CACHD1: variants seen among roughly 807,000 people sequenced by gnomAD.
CACHD1 encodes the protein cache domain containing 1.
Under a neutral mutation model 138.7 loss-of-function variants are expected in CACHD1, and 71 were observed. The ratio of observed to expected loss-of-function variants is 0.51; its 90% CI spans 0.42 to 0.62. CACHD1 has a LOEUF of 0.62. CACHD1 is among the 20% of genes least tolerant of loss of function. The pLI is 0.00. For missense variants in CACHD1, 1,389 were observed against 1,625.3 expected (o/e 0.85, Z 2.50); for synonymous variants, 578 against 591.5 (o/e 0.98, Z 0.33).
chr1:64,652,673 C>T (rs1044752889), intron 10 of CACHD1, among the ~76,000 whole-genome samples: 6 of 152,150 alleles, frequency 3.9e-5, no homozygotes, highest in Non-Finnish European at 8.8e-5. Context: ...TAGAGAAATG[C>T]AAATCCAAAC....
intron 1 of CACHD1, among the ~76,000 whole-genome samples, chr1:64,540,540 G>A (rs1241345478): frequency 1.3e-5 from 2 of 152,132 alleles, no homozygotes; most frequent in Non-Finnish European, 2.9e-5. Flanking sequence ...CACTTTGAAA[G>A]CCAAAACAAC....
At chr1:64,471,042 C>T (rs1646140982) in intron 1 of CACHD1, 100 bp downstream of exon 1, 1 of 1,217,254 alleles carries the variant, frequency 8.2e-7, no homozygotes, top group Non-Finnish European at 1.1e-6. Flanking sequence ...TGCATCGGCT[C>T]CTTGCATACA....
intron 1 of CACHD1, among the ~76,000 whole-genome samples, chr1:64,491,900 T>C (rs1646278395): frequency 6.6e-6 from 1 of 152,078 alleles, no homozygotes; most frequent in African/African-American, 2.4e-5. Flanking sequence ...GGATTACAAG[T>C]GTGAGCCACT....
chr1:64,558,844 A>T (rs1646817815), intron 2 of CACHD1, among the ~76,000 whole-genome samples: 1 of 152,240 alleles, frequency 6.6e-6, no homozygotes, highest in South Asian at 2.1e-4. Context: ...GAACGTGAAC[A>T]GACACTTCTC....
chr1:64,600,578 G>A (rs1247370451), intron 3 of CACHD1, among the ~76,000 whole-genome samples: 1 of 152,214 alleles, frequency 6.6e-6, no homozygotes, highest in Non-Finnish European at 1.5e-5. Flanking sequence ...CAGGTAATAT[G>A]AGCACCTACT....
intron 1 of CACHD1, among the ~76,000 whole-genome samples, chr1:64,516,584 C>A (rs1232555043): frequency 6.6e-6 from 1 of 152,222 alleles, no homozygotes; most frequent in Non-Finnish European, 1.5e-5. Flanking sequence ...TATGCATTTT[C>A]ATGAATATTA....
At chr1:64,583,434 C>T (rs948966963) in intron 3 of CACHD1, among the ~76,000 whole-genome samples, 5 of 152,160 alleles carry the variant, frequency 3.3e-5, no homozygotes, top group Non-Finnish European at 1.5e-5. Context: ...TTTGAGCAAC[C>T]CTGTCTTTAT....
chr1:64,560,391 C>T (rs1351070873), intron 2 of CACHD1, among the ~76,000 whole-genome samples: 2 of 151,970 alleles, frequency 1.3e-5, no homozygotes, highest in Non-Finnish European at 1.5e-5. Context: ...CAAAGTTTGA[C>T]ATGATGTATT....
intron 3 of CACHD1, among the ~76,000 whole-genome samples, chr1:64,589,943 G>T (rs987311973): frequency 5.9e-5 from 9 of 152,012 alleles, no homozygotes; most frequent in African/African-American, 9.7e-5. Flanking sequence ...TTAACCTTCG[G>T]ATTTAGACTG....
intron 2 of CACHD1, among the ~76,000 whole-genome samples, chr1:64,574,003 G>A (rs959254112): frequency 8.5e-5 from 13 of 152,218 alleles, no homozygotes; most frequent in African/African-American, 2.9e-4. Flanking sequence ...CAGAAAGTGA[G>A]TGGAACAAAT....
intron 1 of CACHD1, among the ~76,000 whole-genome samples, chr1:64,488,941 C>T (rs948028653): frequency 3.3e-5 from 5 of 152,160 alleles, no homozygotes; most frequent in African/African-American, 1.2e-4. Flanking sequence ...AGTGAACATT[C>T]TACTGGGGGA....
intron 12 of CACHD1, among the ~76,000 whole-genome samples, chr1:64,655,099 C>G (rs1649221192): frequency 6.6e-6 from 1 of 152,110 alleles, no homozygotes; most frequent in African/African-American, 2.4e-5. Flanking sequence ...AATCCCATCT[C>G]TATAAAAAAA....
intron 1 of CACHD1, among the ~76,000 whole-genome samples, chr1:64,524,731 A>C (rs909206852): frequency 6.6e-6 from 1 of 152,250 alleles, no homozygotes; most frequent in Non-Finnish European, 1.5e-5. Flanking sequence ...AAGCAAATGT[A>C]TCCTTGAAAT....
chr1:64,477,462 A>G (rs902763587), intron 1 of CACHD1, among the ~76,000 whole-genome samples: 2 of 152,140 alleles, frequency 1.3e-5, no homozygotes, highest in African/African-American at 4.8e-5. Flanking sequence ...TTAAAAACAT[A>G]TACAAAAGTA....
intron 1 of CACHD1, among the ~76,000 whole-genome samples, chr1:64,536,831 G>T (rs563268668): frequency 6.6e-6 from 1 of 152,314 alleles, no homozygotes; most frequent in African/African-American, 2.4e-5. Flanking sequence ...TGCTGTCTTA[G>T]CTGGTCATGC....
intron 15 of CACHD1, among the ~76,000 whole-genome samples, 174 bp downstream of exon 15, chr1:64,664,853 G>GT (rs1649577183): frequency 6.6e-6 from 1 of 152,138 alleles, no homozygotes; most frequent in Non-Finnish European, 1.5e-5. Flanking sequence ...GCTTTGTGGG[G>GT]TTTTTTCTAT....
At chr1:64,484,081 G>GT (rs1482351584) in intron 1 of CACHD1, among the ~76,000 whole-genome samples, 3 of 152,068 alleles carry the variant, frequency 2.0e-5, no homozygotes, top group African/African-American at 7.2e-5. Flanking sequence ...GGTAAGCACT[G>GT]TATTGTTCAA....
At chr1:64,577,996 C>T (rs1646982372) in intron 2 of CACHD1, among the ~76,000 whole-genome samples, 2 of 152,204 alleles carry the variant, frequency 1.3e-5, no homozygotes, top group Admixed American at 6.5e-5. Flanking sequence ...AGTCACCCTG[C>T]AATCCCAAGG....
chr1:64,493,743 C>T (rs1646291463), intron 1 of CACHD1, among the ~76,000 whole-genome samples: 1 of 152,152 alleles, frequency 6.6e-6, no homozygotes, highest in Non-Finnish European at 1.5e-5. Flanking sequence ...ATTTTAAATC[C>T]TCCCTCCTCC....
Sources: allele counts gnomAD v4.1 joint callset (sites outside exome capture counted in the v4.1 genomes callset), GRCh38; gene constraint gnomAD v4.1.1; transcripts MANE v1.5; gene names NCBI Gene and HGNC (gene_info 2026-07-23, HGNC 2026-07-21).